Variants in GEMIN2 observed in about 807,000 individuals in gnomAD.
GEMIN2 encodes gem-associated protein 2.
Under a neutral mutation model 45.8 loss-of-function variants are expected in GEMIN2, and 37 were observed. The observed-to-expected ratio is 0.81, with a 90% confidence interval of 0.62 to 1.06. GEMIN2 has a LOEUF of 1.06. Ranked by LOEUF, GEMIN2 falls within the 50% of genes least tolerant of loss-of-function variation. The pLI, the probability that GEMIN2 is intolerant of heterozygous loss-of-function variation, is 0.00. For missense variants in GEMIN2, 335 were observed against 321.8 expected, an observed-to-expected ratio of 1.04 and a Z score of -0.31; for synonymous variants, 101 against 111.5, an observed-to-expected ratio of 0.91 and a Z score of 0.60.
Position 39,130,458 on chromosome 14 carries a change from T to A in GEMIN2, c.601-1500T>A, listed in dbSNP as rs139638654. 2.2e-3 allele frequency among the ~76,000 whole-genome samples: 333 copies of A among 151,982 alleles called. 3 individuals are homozygous for A. Among genetic ancestry groups the A allele is most frequent in the African/African-American group, 7.5e-3 (308 of 41,262 alleles). On this transcript the variant is annotated intron_variant, in intron 7 of 9. Transcript: ENST00000308317. ...TCTGGTGATCATATCTGAAAAACCT[T>A]GATGAATATACATACCCTTTGTCAC...
intron 2 of GEMIN2, among the ~76,000 whole-genome samples, chr14:39,116,396 TTTTA>T (rs999707135): frequency 1.3e-5 from 2 of 148,970 alleles, no homozygotes; most frequent in African/African-American, 4.9e-5. Context: ...TGGCATTTTA[TTTTA>T]TTTCTTTTTC....
intron 4 of GEMIN2, among the ~76,000 whole-genome samples, chr14:39,120,694 C>G (rs767412014): frequency 6.6e-6 from 1 of 152,136 alleles, no homozygotes; most frequent in Non-Finnish European, 1.5e-5. Flanking sequence ...GTGGCACAAT[C>G]TTGGCTCACT....
At chr14:39,131,719 C>A in intron 7 of GEMIN2, 1 of 379,440 alleles carries the variant, frequency 2.6e-6, no homozygotes. Context: ...CTGAAACAAA[C>A]TCTTTGGAGA....
At chr14:39,129,100 G>A (rs1029900926) in intron 7 of GEMIN2, among the ~76,000 whole-genome samples, 6 of 152,180 alleles carry the variant, frequency 3.9e-5, no homozygotes, top group Non-Finnish European at 8.8e-5. Context: ...TCTAGCCTGA[G>A]TGACAGAGTG....
In GEMIN2 at chr14:39,114,469, G is replaced by T. The variant is rs749741252; in HGVS notation, c.131G>T (p.Arg44Leu). Residue 44 changes from arginine (R) to leucine (L), a missense_variant, in exon 1 of 10, where the codon CGG becomes CTG. Arg to Leu is a moderately radical substitution (Grantham distance 102). Coordinates refer to ENST00000308317, the MANE Select transcript of GEMIN2 (RefSeq NM_003616.3). Reference sequence around the variant, plus strand: ...AGGACGCCTCAGGAATACCTGAGGCGGGTCCAGTGAGTGATTCGGCCCTGG... The same window carrying T: ...AGGACGCCTCAGGAATACCTGAGGCTGGTCCAGTGAGTGATTCGGCCCTGG... Reference protein sequence around the residue: ...PPRTPQEYLRRVQIEAAQCPD... With the variant: ...PPRTPQEYLRLVQIEAAQCPD... 4 of 1,612,618 alleles carry T rather than the reference G, an allele frequency of 2.5e-6. No individual in the cohort carries two copies. Among genetic ancestry groups the T allele is most frequent in the Non-Finnish European group, 3.4e-6 (4 of 1,178,890 alleles).
intron 3 of GEMIN2, 135 bp from the exon 4 acceptor site, chr14:39,118,405 T>A (rs1017551882): frequency 9.8e-6 from 6 of 613,724 alleles, no homozygotes; most frequent in Non-Finnish European, 1.8e-5. Flanking sequence ...ACCCAATACA[T>A]GGTCTTTTAC....
chr14:39,133,573 A>G, intron 8 of GEMIN2, 88 bp from the exon 9 acceptor site: 1 of 645,978 alleles, frequency 1.5e-6, no homozygotes, highest in Non-Finnish European at 2.5e-6. Context: ...TAAAGTTTTC[A>G]TGTTTCGTGT....
intron 9 of GEMIN2, 73 bp from the exon 10 acceptor site, chr14:39,136,367 T>C (rs1878638721): frequency 7.6e-6 from 6 of 792,452 alleles, no homozygotes; most frequent in Admixed American, 1.9e-5. Flanking sequence ...GGGTTGCTTA[T>C]GGTCTTTGGC....
chr14:39,128,653 GT>G (rs571631393), intron 7 of GEMIN2, among the ~76,000 whole-genome samples: 1 of 150,864 alleles, frequency 6.6e-6, no homozygotes, highest in Non-Finnish European at 1.5e-5. Context: ...GCCACGCCCA[GT>G]TTTTTTTGTT....
At chr14:39,128,495 T>C (rs2052675975) in intron 7 of GEMIN2, 147 bp downstream of exon 7, 1 of 483,230 alleles carries the variant, frequency 2.1e-6, no homozygotes, top group East Asian at 3.5e-5. Flanking sequence ...CTTTTTTTTT[T>C]TTTTTTTTTT....
intron 1 of GEMIN2, 114 bp from the exon 2 acceptor site, chr14:39,114,715 G>A (rs528318206): frequency 1.9e-4 from 135 of 703,732 alleles, no homozygotes; most frequent in Admixed American, 2.4e-4. Flanking sequence ...TCAATTGGAA[G>A]TCTGAATTTT....
intron 7 of GEMIN2, among the ~76,000 whole-genome samples, chr14:39,130,629 C>A (rs574117495): frequency 1.3e-5 from 2 of 152,292 alleles, no homozygotes; most frequent in East Asian, 1.9e-4. Flanking sequence ...TGGGGTGGCT[C>A]ACTCCTGTAA....
chr14:39,132,027 C>G lies in GEMIN2; in HGVS notation c.670C>G (p.Arg224Gly). Residue 224 changes from arginine to glycine, a missense_variant, in exon 8 of 10, where the codon CGG becomes GGG. By Grantham distance (125) the Arg-to-Gly change is moderately radical. Transcript: ENST00000308317. ...GTTACCTGAGGCTCATTCACTGATTCGGCAGCTTGCAAGAAGGTGCTCTGA... is the reference window on the plus strand; with the variant it reads ...GTTACCTGAGGCTCATTCACTGATTGGGCAGCTTGCAAGAAGGTGCTCTGA... ...PLLPEAHSLI[R>G]QLARRCSEVR... 1 of 1,600,288 alleles carries G rather than the reference C, an allele frequency of 6.2e-7. No homozygotes were observed. The highest frequency in any genetic ancestry group is 8.6e-7 in the Non-Finnish European group (1 of 1,167,868).
chr14:39,128,293 G>A lies in GEMIN2; in HGVS notation c.545G>A (p.Ser182Asn). Residue 182 changes from serine to asparagine, a missense_variant, in exon 7 of 10, where the codon AGT becomes AAT. Physicochemically the swap from Ser to Asn is conservative, Grantham distance 46. Coordinates refer to ENST00000308317, the MANE Select transcript of GEMIN2 (RefSeq NM_003616.3). ...TTTTTTTTTTAGGCAACAGTAACTA[G>A]TGTCTTGGAATATCTGAGTAATTGG... Reference protein sequence around the residue: ...VSRMNQATVTSVLEYLSNWFG... With the variant: ...VSRMNQATVTNVLEYLSNWFG... The A allele has an allele frequency of 6.4e-7, 1 of 1,553,462 alleles. No individual in the cohort carries two copies.
chr14:39,118,666 C>T (rs1594509686), intron 4 of GEMIN2, 67 bp downstream of exon 4: 3 of 708,060 alleles, frequency 4.2e-6, no homozygotes, highest in Non-Finnish European at 7.7e-6. Flanking sequence ...TATTTACTTC[C>T]AGTCGTTAAA....
At chr14:39,122,408 A>G (rs759693012) in intron 4 of GEMIN2, 22 bp from the exon 5 acceptor site, 172 of 1,054,598 alleles carry the variant, frequency 1.6e-4, no homozygotes, top group Admixed American at 4.6e-4. Flanking sequence ...GGAATAAATC[A>G]GTTTTTTTTT....
intron 9 of GEMIN2, among the ~76,000 whole-genome samples, chr14:39,134,827 C>G (rs1327082738): frequency 6.6e-6 from 1 of 152,140 alleles, no homozygotes; most frequent in Admixed American, 6.6e-5. Context: ...GACTCCGGAG[C>G]TAAACTTTTA....
At chr14:39,122,352 A>G in intron 4 of GEMIN2, 78 bp from the exon 5 acceptor site, 1 of 711,112 alleles carries the variant, frequency 1.4e-6, no homozygotes, top group South Asian at 1.8e-5. Context: ...ATATGGAAGG[A>G]CTTAACTTCT....
intron 9 of GEMIN2, among the ~76,000 whole-genome samples, chr14:39,134,773 A>G (rs1453446199): frequency 6.6e-6 from 1 of 152,182 alleles, no homozygotes; most frequent in Non-Finnish European, 1.5e-5. Flanking sequence ...TACCATCACA[A>G]AGCTAGTAAG....
Sources: allele counts gnomAD v4.1 joint callset (sites outside exome capture counted in the v4.1 genomes callset), GRCh38; gene constraint gnomAD v4.1.1; transcripts MANE v1.5; gene names NCBI Gene and HGNC (gene_info 2026-07-23, HGNC 2026-07-21).